Variants in SYNPO observed in about 807,000 individuals in gnomAD.
The protein encoded by SYNPO is synaptopodin.
A neutral mutation model predicts 49.5 loss-of-function variants in SYNPO; 19 were observed. That is an observed-to-expected ratio of 0.38 (90% CI 0.27 to 0.56). SYNPO has a LOEUF of 0.56. SYNPO is among the 20% of genes least tolerant of loss of function. The pLI is 0.68. For synonymous variants in SYNPO, 536 were observed against 548.0 expected, an observed-to-expected ratio of 0.98 and a Z score of 0.31; for missense variants, 1,131 against 1,248.3, an observed-to-expected ratio of 0.91 and a Z score of 1.42.
intron 2 of SYNPO, among the ~76,000 whole-genome samples, chr5:150,620,672 T>G (rs1375925385): frequency 3.3e-5 from 5 of 152,252 alleles, no homozygotes; most frequent in African/African-American, 9.6e-5. Context: ...TGAACTCTGT[T>G]GGCAAGTCAC....
Position 150,648,083 on chromosome 5 carries a change from G to A in SYNPO, c.-193G>A. ...AGCTCTTCAACAGGCGCCGGCAGAG[G>A]GTGAACGAGTTCACCTTGGAGAGCC... On this transcript the variant is annotated 5_prime_UTR_variant, in exon 2 of 3. Transcript: ENST00000307662. The surrounding 1 kb of genome is among the most constrained non-coding windows in gnomAD (Gnocchi z 5.0). The A allele has an allele frequency of 6.4e-7, 1 of 1,551,756 alleles. No homozygotes were observed. The highest frequency in any genetic ancestry group is 8.7e-7 in the Non-Finnish European group (1 of 1,146,992).
chr5:150,650,110 C>T lies in SYNPO; in HGVS notation c.1835C>T (p.Ala612Val), dbSNP rs376801590. ...AAGGGGGCTCTCCCTCCATCTCCTG[C>T]CCTGCCTCGGCCCTCGCGCTCCTCA... The part of the protein sequence containing the change: ...LPKGALPPSP[A>V]LPRPSRSSPG... Residue 612 changes from alanine to valine, a missense_variant, in exon 2 of 3, where the codon GCC becomes GTC. Coordinates refer to ENST00000307662, the MANE Select transcript of SYNPO (RefSeq NM_007286.6). 1.9e-6 allele frequency: 3 copies of T among 1,613,730 alleles called. No individual in the cohort carries two copies. The highest frequency in any genetic ancestry group is 1.7e-6 in the Non-Finnish European group (2 of 1,179,970).
intron 1 of SYNPO, chr5:150,618,031 G>C (rs1426036951): frequency 4.6e-6 from 1 of 219,338 alleles, no homozygotes; most frequent in East Asian, 9.5e-5. Context: ...AGAGGAACAG[G>C]CTTCAGAAAT....
At chr5:150,622,669 C>T (rs1561640825) in intron 2 of SYNPO, among the ~76,000 whole-genome samples, 1 of 152,170 alleles carries the variant, frequency 6.6e-6, no homozygotes, top group African/African-American at 2.4e-5. Context: ...GACCTGTGTG[C>T]GTGTTAACAG....
chr5:150,640,245 C>A, upstream of SYNPO: 1 of 872,848 alleles, frequency 1.1e-6, no homozygotes, highest in Non-Finnish European at 1.4e-6. Context: ...GGGGTGGTGG[C>A]ATTCTAGGTA....
intron 1 of SYNPO, among the ~76,000 whole-genome samples, chr5:150,603,346 G>T (rs1251644508): frequency 6.6e-6 from 1 of 152,256 alleles, no homozygotes; most frequent in African/African-American, 2.4e-5. Flanking sequence ...AGGGAGAGGT[G>T]CACTGGGAGG....
At position 150,648,913 on chromosome 5, in the gene SYNPO, C is replaced by G. The variant is rs1175107109; in HGVS notation, c.638C>G (p.Ala213Gly). 6.2e-7 allele frequency: 1 copy of G among 1,614,222 alleles called. No individual in the cohort carries two copies. Among genetic ancestry groups the G allele is most frequent in the Non-Finnish European group, 8.5e-7 (1 of 1,180,048 alleles). ...VSADQEMSGR[A>G]AATTPTKVYS... Reference sequence around the variant, plus strand: ...GCAGATCAAGAGATGTCTGGGCGAGCAGCTGCCACCACGCCCACCAAGGTC... The same window carrying G: ...GCAGATCAAGAGATGTCTGGGCGAGGAGCTGCCACCACGCCCACCAAGGTC... The change falls in exon 2 of 3, where the codon GCA (alanine) becomes GGA (glycine). Residue 213 changes from alanine to glycine, a missense_variant. Around this residue, in one of 4 missense-constraint regions of SYNPO, gnomAD observed 602 missense variants for 720.7 expected, o/e 0.84. Transcript: ENST00000307662. This position sits in a 1 kb window ranked among gnomAD's most constrained non-coding sequence, Gnocchi z 5.0.
upstream of SYNPO, among the ~76,000 whole-genome samples, chr5:150,597,305 A>C (rs1392595728): frequency 6.6e-6 from 1 of 152,090 alleles, no homozygotes; most frequent in Non-Finnish European, 1.5e-5. Context: ...GAGTGTCCAC[A>C]CTAAATTTGG....
At chr5:150,626,104 C>A (rs192383909) in intron 2 of SYNPO, among the ~76,000 whole-genome samples, 1,724 of 151,780 alleles carry the variant, frequency 0.011, 30 homozygotes, top group African/African-American at 0.039. Flanking sequence ...CTAGGGTACA[C>A]TGGGGCAAGG....
At chr5:150,647,826 C>G in intron 1 of SYNPO, 118 bp from the exon 2 acceptor site, 1 of 932,382 alleles carries the variant, frequency 1.1e-6, no homozygotes, top group Non-Finnish European at 1.6e-6. Context: ...CGATTAAATT[C>G]CAGAAGAGAT....
Position 150,618,802 on chromosome 5 carries a change from A to G in SYNPO, c.400+35A>G, listed in dbSNP as rs79651755. 1.8e-3 allele frequency: 2,760 copies of G among 1,550,266 alleles called. 40 individuals are homozygous for G. In the African/African-American group the frequency reaches 0.031, roughly 18 times the overall value. ...TGTTCCTTTTCCCTTGGACTACCAGAGTCACTGGAGACCCCCCAGGTCCTT... is the reference window on the plus strand; with the variant it reads ...TGTTCCTTTTCCCTTGGACTACCAGGGTCACTGGAGACCCCCCAGGTCCTT... On this transcript the variant is annotated intron_variant, in intron 2 of 2. Coordinates refer to the SYNPO transcript ENST00000394243.
upstream of SYNPO, among the ~76,000 whole-genome samples, chr5:150,599,147 C>G (rs758371801): frequency 1.3e-5 from 2 of 152,250 alleles, no homozygotes; most frequent in Admixed American, 1.3e-4. Context: ...ACACAAAATT[C>G]CAGACAGGGA....
rs186229788 is a variant in SYNPO at position 150,658,488 on chromosome 5, G to C, written c.*1401G>C. ...GGCCCTCACTGGTTCCCTAAACCTT[G>C]GTGGCTGTGATTCAGGTCCCCAGGG... On this transcript the variant is annotated 3_prime_UTR_variant, in exon 3 of 3. Transcript: ENST00000307662. 2 of 152,532 alleles carry C rather than the reference G, an allele frequency of 1.3e-5. No homozygotes were observed. Among genetic ancestry groups the C allele is most frequent in the African/African-American group, 2.4e-5 (1 of 41,558 alleles). The allele number at this position is 152,532 out of a possible 1,614,324, so 9.4% of individuals were successfully genotyped here.
intron 1 of SYNPO, 60 bp from the exon 2 acceptor site, chr5:150,647,884 C>A: frequency 6.8e-7 from 1 of 1,462,682 alleles, no homozygotes; most frequent in Non-Finnish European, 9.3e-7. Context: ...CCTGTTTGTC[C>A]GTGCACCCCT....
chr5:150,603,174 CCT>C (rs1053540805), intron 1 of SYNPO, among the ~76,000 whole-genome samples: 7 of 152,332 alleles, frequency 4.6e-5, no homozygotes, highest in African/African-American at 1.4e-4. Flanking sequence ...GAGATTGTCC[CCT>C]GACTGACATT....
rs1353624766 is a variant in SYNPO, at chr5:150,650,062, T to C, written c.1787T>C (p.Leu596Ser). ...RAASPAKPSSLDLVPNLPKGA... is the reference protein window; with the variant it reads ...RAASPAKPSSSDLVPNLPKGA... ...GCCTCGCCCGCCAAGCCCAGCTCCT[T>C]GGACCTGGTGCCCAACCTGCCCAAG... Residue 596 changes from leucine (L) to serine (S), a missense_variant, in exon 2 of 3, where the codon TTG (leucine) becomes TCG (serine). By Grantham distance (145) the Leu-to-Ser change is moderately radical. Transcript: ENST00000307662. 6.2e-7 allele frequency: 1 copy of C among 1,613,218 alleles called. No homozygotes were observed. The highest frequency in any genetic ancestry group is 1.3e-5 in the African/African-American group (1 of 74,936).
chr5:150,638,263 G>C (rs253346), upstream of SYNPO, among the ~76,000 whole-genome samples: 144,855 of 152,254 alleles, frequency 0.95, 68,994 homozygotes, highest in East Asian at 1. Context: ...CTCTTAGGTT[G>C]TATGTTCTCC....
the SYNPO span, among the ~76,000 whole-genome samples, chr5:150,593,531 C>T: frequency 1.4e-4 from 22 of 152,050 alleles, no homozygotes; most frequent in Admixed American, 1.3e-3. Context: ...ATATGATCTC[C>T]GTTCACTGCA....
rs770368918 is a variant in SYNPO at position 150,650,294 on chromosome 5, C to T, written c.2019C>T (p.Ile673=). 17 of 1,614,004 alleles carry T rather than the reference C, an allele frequency of 1.1e-5. No individual in the cohort carries two copies. The highest frequency in any genetic ancestry group is 9.3e-5 in the African/African-American group (7 of 74,936). The change falls in exon 2 of 3, where the codon ATC becomes ATT. Residue 673 remains isoleucine (I), a synonymous_variant. Transcript: ENST00000307662. ...RPSFSTRNAG[I]EAQDRRESLP... The stretch of plus-strand genomic sequence containing the variant: ...CCTTCTCTACCCGGAACGCCGGGAT[C>T]GAGGCTCAGGTGTGGAAGCCTTCCT...
Sources: gnomAD v4.1 joint callset for allele counts (sites outside exome capture counted in the v4.1 genomes callset) on GRCh38, gnomAD v4.1.1 for gene constraint, gnomAD v4.1.1 regional missense constraint, Gnocchi (gnomAD v3.1) non-coding constraint, MANE v1.5 for transcripts, NCBI Gene and HGNC (gene_info 2026-07-23, HGNC 2026-07-21) for gene names.